TRERF1: variants seen among roughly 807,000 people sequenced by gnomAD.
TRERF1 encodes the protein transcriptional regulating factor 1, also known as transcriptional-regulating factor 1.
Under a neutral mutation model 122.9 loss-of-function variants are expected in TRERF1, and 27 were observed. The observed-to-expected ratio is 0.22, with a 90% CI of 0.16 to 0.30. TRERF1 has a LOEUF of 0.30. Ranked by LOEUF, TRERF1 falls within the 10% of genes least tolerant of loss-of-function variation. The pLI, the probability that TRERF1 is intolerant of heterozygous loss-of-function variation, is 1.00. For synonymous variants in TRERF1, 636 were observed against 641.7 expected (o/e 0.99, Z 0.13); for missense variants, 1,248 against 1,560.3 (o/e 0.80, Z 3.37).
intron 13 of TRERF1, among the ~76,000 whole-genome samples, chr6:42,249,666 C>A (rs559007827): frequency 7.2e-5 from 11 of 152,276 alleles, no homozygotes; most frequent in Admixed American, 1.3e-4. Context: ...TTCTCCCTGC[C>A]CCTCTATGTC....
chr6:42,266,626 A>G (rs1779253869), intron 5 of TRERF1, among the ~76,000 whole-genome samples: 1 of 152,150 alleles, frequency 6.6e-6, no homozygotes, highest in Non-Finnish European at 1.5e-5. Context: ...CCTCCATCAG[A>G]ACTTTCTTTC....
chr6:42,246,033 G>A (rs1013398304), intron 14 of TRERF1, among the ~76,000 whole-genome samples: 2 of 152,180 alleles, frequency 1.3e-5, no homozygotes, highest in African/African-American at 4.8e-5. Flanking sequence ...GCTTGAACCC[G>A]GGAGGTGGAG....
chr6:42,229,012 A>C (rs1769994777), intron 17 of TRERF1, among the ~76,000 whole-genome samples: 2 of 152,078 alleles, frequency 1.3e-5, no homozygotes, highest in African/African-American at 4.8e-5. Flanking sequence ...TGCCCTCTCC[A>C]CTGGAGAATC....
At chr6:42,445,251 G>C (rs1228453853) in intron 2 of TRERF1, among the ~76,000 whole-genome samples, 2 of 142,614 alleles carry the variant, frequency 1.4e-5, no homozygotes, top group Non-Finnish European at 3.0e-5. Context: ...CTGGACAACA[G>C]AGCAAGACTC....
chr6:42,276,584 CTTTTTAGCACCG>C lies in TRERF1; in HGVS notation c.-258-6748_-258-6737del, dbSNP rs1781192241. 6.6e-6 allele frequency among the ~76,000 whole-genome samples: 1 copy of C among 152,220 alleles called. No homozygotes were observed. The highest frequency in any genetic ancestry group is 6.5e-5 in the Admixed American group (1 of 15,284). ...GATGTGGGCCGCAGTTCGCCGTCTT[CTTTTTAGCACCG>C]TTGTTGTTCTAAATGCTTTCTGATT... On this transcript the variant is annotated intron_variant, in intron 4 of 17. Transcript: ENST00000372922. The surrounding 1 kb of genome is among the most constrained non-coding windows in gnomAD (Gnocchi z 4.3).
intron 2 of TRERF1, among the ~76,000 whole-genome samples, chr6:42,407,197 G>C (rs1182648595): frequency 6.6e-6 from 1 of 152,162 alleles, no homozygotes; most frequent in Non-Finnish European, 1.5e-5. Flanking sequence ...GTAAATCTAA[G>C]TCTGCTCAAC....
chr6:42,340,476 CT>C (rs1300261486), intron 3 of TRERF1, among the ~76,000 whole-genome samples: 1 of 152,134 alleles, frequency 6.6e-6, no homozygotes, highest in Non-Finnish European at 1.5e-5. Flanking sequence ...TCTATTTATT[CT>C]TTTAAAAGTA....
chr6:42,263,551 G>A lies in TRERF1; in HGVS notation c.1653C>T (p.Val551=). 1.3e-6 allele frequency: 2 copies of A among 1,542,036 alleles called. No individual in the cohort carries two copies. The highest frequency in any genetic ancestry group is 1.7e-6 in the Non-Finnish European group (2 of 1,143,886). ...GTGGTGGCTGGGGCTGAGGCGGCAGGACCTTCTCTCCTTCCTCCTACACAG... is the reference window on the plus strand; with the variant it reads ...GTGGTGGCTGGGGCTGAGGCGGCAGAACCTTCTCTCCTTCCTCCTACACAG... The change falls in exon 8 of 18, where the codon GTC becomes GTT. Residue 551 remains valine, a synonymous_variant. Coordinates refer to ENST00000372922, the Ensembl canonical transcript of TRERF1. The surrounding 1 kb of genome is among the most constrained non-coding windows in gnomAD (Gnocchi z 5.6).
chr6:42,272,475 C>T (rs1478566747), intron 4 of TRERF1, among the ~76,000 whole-genome samples: 2 of 152,154 alleles, frequency 1.3e-5, no homozygotes, highest in Non-Finnish European at 2.9e-5. Context: ...GGTCCAGGTC[C>T]CCTGGGAGCT....
intron 3 of TRERF1, among the ~76,000 whole-genome samples, chr6:42,312,345 G>A (rs534413220): frequency 6.6e-6 from 1 of 152,330 alleles, no homozygotes; most frequent in Admixed American, 6.5e-5. Flanking sequence ...CACTGCAGCT[G>A]TGTCCAAAAG....
chr6:42,284,014 G>A lies in TRERF1; in HGVS notation c.-258-14166C>T, dbSNP rs531427541. Among the ~76,000 whole-genome samples, 15 of 152,196 alleles carry A rather than the reference G, an allele frequency of 9.9e-5. No homozygotes were observed. In the East Asian group the frequency reaches 2.3e-3, roughly 23 times the overall value. On this transcript the variant is annotated intron_variant, in intron 4 of 17. Coordinates refer to ENST00000372922, the Ensembl canonical transcript of TRERF1. ...ATATCTTACTGGTCTTTTGAGGCAG[G>A]GTCCAGAACTTTTCTTTGCTCATAG...
At chr6:42,434,668 C>CCACACAGACACACACACACACACACA (rs1554218672) in intron 2 of TRERF1, among the ~76,000 whole-genome samples, 2 of 114,896 alleles carry the variant, frequency 1.7e-5, no homozygotes, top group African/African-American at 5.7e-5. Context: ...ACACCCTCCA[C>CCACACAGACACACACACACACACACA]CACACACACA....
intron 3 of TRERF1, among the ~76,000 whole-genome samples, chr6:42,302,414 AT>A (rs772589072): frequency 7.9e-5 from 12 of 152,196 alleles, no homozygotes; most frequent in Non-Finnish European, 1.0e-4. Context: ...AGTAGTTCTT[AT>A]TTTAAGCTTT....
intron 3 of TRERF1, among the ~76,000 whole-genome samples, chr6:42,324,775 G>A (rs1583039828): frequency 6.6e-6 from 1 of 152,154 alleles, no homozygotes; most frequent in Non-Finnish European, 1.5e-5. Flanking sequence ...AGACTTAAAT[G>A]TAAGACCTAA....
intron 4 of TRERF1, among the ~76,000 whole-genome samples, chr6:42,289,274 C>T (rs779626368): frequency 9.9e-5 from 15 of 151,252 alleles, no homozygotes; most frequent in Non-Finnish European, 2.2e-4. Context: ...TGCAGTGAGC[C>T]GTTATCATGC....
chr6:42,339,991 A>G (rs566863080), intron 3 of TRERF1, among the ~76,000 whole-genome samples: 23 of 152,330 alleles, frequency 1.5e-4, no homozygotes, highest in African/African-American at 5.5e-4. Flanking sequence ...CTTTTAGGGT[A>G]TGAAGTGCTC....
chr6:42,444,296 A>C (rs1787082624), intron 2 of TRERF1, among the ~76,000 whole-genome samples: 1 of 151,602 alleles, frequency 6.6e-6, no homozygotes, highest in Admixed American at 6.6e-5. Context: ...CATAGTTTTC[A>C]AATAAATTTA....
intron 4 of TRERF1, among the ~76,000 whole-genome samples, chr6:42,288,592 AAAAAG>A (rs1357071842): frequency 1.5e-4 from 21 of 142,486 alleles, no homozygotes; most frequent in Admixed American, 3.0e-4. Flanking sequence ...AAAAAAAAAA[AAAAAG>A]AGAGAGAGAC....
intron 4 of TRERF1, among the ~76,000 whole-genome samples, chr6:42,283,588 G>C (rs1582803142): frequency 1.4e-5 from 2 of 145,690 alleles, no homozygotes; most frequent in Non-Finnish European, 3.0e-5. Context: ...AAAAAACCCA[G>C]ATAGAATAAC....
Sources: gnomAD v4.1 joint callset for allele counts (sites outside exome capture counted in the v4.1 genomes callset) on GRCh38, gnomAD v4.1.1 for gene constraint, Gnocchi (gnomAD v3.1) non-coding constraint, MANE v1.5 for transcripts, NCBI Gene and HGNC (gene_info 2026-07-23, HGNC 2026-07-21) for gene names.